AKAP6: variants seen among roughly 807,000 people sequenced by gnomAD.
The protein encoded by AKAP6 is A-kinase anchoring protein 6.
In AKAP6, 58 loss-of-function variants were observed where a neutral mutation model predicts 188.5. The observed-to-expected ratio is 0.31, with a 90% CI of 0.25 to 0.38. AKAP6 has a LOEUF of 0.38. AKAP6 is among the 10% of genes least tolerant of loss of function. The probability of loss-of-function intolerance (pLI) is 1.00; values close to 1 mark genes in which losing one functional copy is unlikely to be tolerated. For missense variants in AKAP6, 2,710 were observed against 2,740.0 expected, an observed-to-expected ratio of 0.99 and a Z score of 0.24; for synonymous variants, 989 against 998.6, an observed-to-expected ratio of 0.99 and a Z score of 0.18.
rs201914860 is a variant in AKAP6, at chr14:32,404,689, G to GAGAT, written c.-34-28769_-34-28766dup. Among the ~76,000 whole-genome samples the GAGAT allele has an allele frequency of 4.2e-3, 21 of 4,944 alleles. 3 individuals carry two copies. The highest frequency in any genetic ancestry group is 0.2 in the East Asian group (2 of 10). 3.2% of individuals were successfully genotyped at this position (4,944 alleles called of 152,430 possible). On this transcript the variant is annotated intron_variant, in intron 1 of 13. Transcript: ENST00000280979. ...GGAGAGTGGGGTTATGAGGAGTCAG[G>GAGAT]AGATATATATATATATATATATTAG...
At chr14:32,523,719 C>T (rs1446440506) in intron 2 of AKAP6, among the ~76,000 whole-genome samples, 1 of 150,172 alleles carries the variant, frequency 6.7e-6, no homozygotes, top group African/African-American at 2.5e-5. Context: ...CTGCCGGCCT[C>T]AGCCTCTCAA....
intron 12 of AKAP6, among the ~76,000 whole-genome samples, chr14:32,818,084 C>T (rs903873019): frequency 1.3e-5 from 2 of 151,850 alleles, no homozygotes; most frequent in Admixed American, 6.6e-5. Context: ...AGGGAGTGAG[C>T]GAGGGCAGAG....
At position 32,821,942 on chromosome 14, in the gene AKAP6, A is replaced by G. The variant is rs1279651104; in HGVS notation, c.4129A>G (p.Asn1377Asp). 6.2e-7 allele frequency: 1 copy of G among 1,613,864 alleles called. No homozygotes were observed. Among genetic ancestry groups the G allele is most frequent in the Non-Finnish European group, 8.5e-7 (1 of 1,179,948 alleles). Residue 1377 changes from asparagine (N) to aspartate (D), a missense_variant, in exon 13 of 14, where the codon AAC becomes GAC. Asn to Asp is a conservative substitution (Grantham distance 23, BLOSUM62 1). This residue lies in a region of AKAP6 where 2,473 missense variants were observed against 2,426.1 expected (regional missense o/e 1.02). Coordinates refer to ENST00000280979, the MANE Select transcript of AKAP6 (RefSeq NM_004274.5). ...VSEGDTETTT[N>D]SEMCLLNAVD... is the part of the protein sequence containing the mutation. ...TGAAGGAGACACAGAAACCACTACCAACTCTGAAATGTGCTTGCTCAATGC... is the reference window on the plus strand; with the variant it reads ...TGAAGGAGACACAGAAACCACTACCGACTCTGAAATGTGCTTGCTCAATGC...
At chr14:32,630,408 A>G (rs1344662869) in intron 7 of AKAP6, among the ~76,000 whole-genome samples, 1 of 152,148 alleles carries the variant, frequency 6.6e-6, no homozygotes, top group Admixed American at 6.5e-5. Flanking sequence ...AAGGCAATAT[A>G]ATGCATTACT....
intron 11 of AKAP6, among the ~76,000 whole-genome samples, chr14:32,755,766 A>T (rs965865395): frequency 1.3e-5 from 2 of 152,120 alleles, no homozygotes; most frequent in African/African-American, 4.8e-5. Flanking sequence ...GGCTCGAGTG[A>T]TTCTCCCAAA....
In AKAP6 at chr14:32,568,154, G is replaced by A. The variant is rs1290487783; in HGVS notation, c.2347-8966G>A. 2.0e-5 allele frequency among the ~76,000 whole-genome samples: 3 copies of A among 152,206 alleles called. No individual in the cohort carries two copies. The highest frequency in any genetic ancestry group is 7.2e-5 in the African/African-American group (3 of 41,462). On this transcript the variant is annotated intron_variant, in intron 4 of 13. Coordinates refer to ENST00000280979, the MANE Select transcript of AKAP6 (RefSeq NM_004274.5). The surrounding 1 kb of genome is among the most constrained non-coding windows in gnomAD (Gnocchi z 6.2). ...TGTGACAAGAGCTGGGGTTCTCAGA[G>A]AAGCTTGGAAAATAGGAGTGAACAA...
intron 4 of AKAP6, among the ~76,000 whole-genome samples, chr14:32,558,519 G>C (rs1471482148): frequency 6.6e-6 from 1 of 152,044 alleles, no homozygotes; most frequent in Non-Finnish European, 1.5e-5. Context: ...GAGATGAGGA[G>C]GCATAATGTT....
At position 32,540,164 on chromosome 14, in the gene AKAP6, CTCTCTATA is replaced by C. The variant is rs1304589267; in HGVS notation, c.576+4361_576+4368del. On this transcript the variant is annotated intron_variant, in intron 3 of 13. Coordinates refer to ENST00000280979, the MANE Select transcript of AKAP6 (RefSeq NM_004274.5). ...TCTCTCTCTCTCTCTCTCTCTCTCT[CTCTCTATA>C]TATATATATATATATATATATTTTA... 2.5e-3 allele frequency among the ~76,000 whole-genome samples: 248 copies of C among 97,432 alleles called. 1 individual carries two copies. The highest frequency in any genetic ancestry group is 4.5e-3 in the Middle Eastern group (1 of 224). The allele number at this position is 97,432 out of a possible 152,430, so 63.9% of individuals were successfully genotyped here.
At chr14:32,609,900 C>T (rs1416085375) in intron 7 of AKAP6, among the ~76,000 whole-genome samples, 1 of 151,740 alleles carries the variant, frequency 6.6e-6, no homozygotes, top group Non-Finnish European at 1.5e-5. Context: ...CACACACACA[C>T]ACACACACAC....
intron 7 of AKAP6, among the ~76,000 whole-genome samples, chr14:32,651,864 T>G (rs1338405076): frequency 6.6e-6 from 1 of 152,188 alleles, no homozygotes; most frequent in Non-Finnish European, 1.5e-5. Context: ...TTATTAACAA[T>G]AAATCATTGC....
intron 12 of AKAP6, among the ~76,000 whole-genome samples, chr14:32,800,227 T>C (rs2033910004): frequency 6.7e-6 from 1 of 148,506 alleles, no homozygotes; most frequent in South Asian, 2.1e-4. Flanking sequence ...TATATATACA[T>C]ATACAAAAAT....
At chr14:32,433,364 G>A in intron 1 of AKAP6, 96 bp from the exon 2 acceptor site, 2 of 848,776 alleles carry the variant, frequency 2.4e-6, no homozygotes, top group South Asian at 1.9e-5. Context: ...TAGAAATCTG[G>A]CTTAATTTAG....
At chr14:32,743,539 T>C (rs1003848909) in intron 11 of AKAP6, among the ~76,000 whole-genome samples, 1 of 152,296 alleles carries the variant, frequency 6.6e-6, no homozygotes. Flanking sequence ...TCCATTTGTG[T>C]GTTTTTTGGT....
intron 2 of AKAP6, among the ~76,000 whole-genome samples, chr14:32,526,391 C>G (rs565486972): frequency 1.4e-3 from 218 of 152,248 alleles, no homozygotes; most frequent in African/African-American, 4.9e-3. Flanking sequence ...TGCCACCATG[C>G]CCCACTAATT....
chr14:32,653,026 C>T (rs779438276), intron 7 of AKAP6, among the ~76,000 whole-genome samples: 1 of 152,076 alleles, frequency 6.6e-6, no homozygotes, highest in African/African-American at 2.4e-5. Context: ...ACACTCCAGC[C>T]TGGGTGACAG....
chr14:32,830,881 A>G lies in AKAP6; in HGVS notation c.*1076A>G, dbSNP rs894368804. ...GCATCTGGTTCTGAAAAAGTATAGC[A>G]TGTAGCAGCTTCCAAACATATTCAT... On this transcript the variant is annotated 3_prime_UTR_variant, in exon 14 of 14. Coordinates refer to ENST00000280979, the MANE Select transcript of AKAP6 (RefSeq NM_004274.5). 2 of 152,492 alleles carry G rather than the reference A, an allele frequency of 1.3e-5. No individual in the cohort carries two copies. The highest frequency in any genetic ancestry group is 1.5e-5 in the Non-Finnish European group (1 of 68,022). The allele number at this position is 152,492 out of a possible 1,614,324, so 9.4% of individuals were successfully genotyped here.
intron 4 of AKAP6, among the ~76,000 whole-genome samples, chr14:32,575,467 T>C (rs898228529): frequency 6.6e-6 from 1 of 152,156 alleles, no homozygotes; most frequent in African/African-American, 2.4e-5. Context: ...TCAATGATGT[T>C]GTCAATCAGT....
At chr14:32,514,434 T>C (rs1171445023) in intron 2 of AKAP6, among the ~76,000 whole-genome samples, 6 of 152,170 alleles carry the variant, frequency 3.9e-5, no homozygotes, top group South Asian at 2.1e-4. Flanking sequence ...CTGATCTAAA[T>C]AGATAAAAAG....
intron 11 of AKAP6, among the ~76,000 whole-genome samples, chr14:32,751,057 T>C (rs2032117855): frequency 6.6e-6 from 1 of 152,090 alleles, no homozygotes; most frequent in South Asian, 2.1e-4. Context: ...TACTGCACTC[T>C]AGCCTGGGCA....
Sources: gnomAD v4.1 joint callset for allele counts (sites outside exome capture counted in the v4.1 genomes callset) on GRCh38, gnomAD v4.1.1 for gene constraint, gnomAD v4.1.1 regional missense constraint, Gnocchi (gnomAD v3.1) non-coding constraint, MANE v1.5 for transcripts, NCBI Gene and HGNC (gene_info 2026-07-23, HGNC 2026-07-21) for gene names.